METTL9: variants seen among roughly 807,000 people sequenced by gnomAD.
METTL9 encodes the protein methyltransferase 9, His-X-His N1(pi)-histidine.
In METTL9, 10 loss-of-function variants were observed where a neutral mutation model predicts 36.0. The ratio of observed to expected loss-of-function variants is 0.28; its 90% CI spans 0.17 to 0.47. The LOEUF (loss-of-function observed/expected upper bound fraction) is 0.47. Among genes scored for constraint, METTL9 ranks in the 20% least tolerant of loss-of-function variants. The probability of loss-of-function intolerance (pLI) is 0.99; values close to 1 mark genes in which losing one functional copy is unlikely to be tolerated. For missense variants in METTL9, 246 were observed against 383.5 expected, an observed-to-expected ratio of 0.64 and a Z score of 3.00; for synonymous variants, 175 against 149.7, an observed-to-expected ratio of 1.17 and a Z score of -1.23.
At chr16:21,622,602 G>C (rs554115818) in intron 3 of METTL9, among the ~76,000 whole-genome samples, 136 of 152,298 alleles carry the variant, frequency 8.9e-4, no homozygotes, top group Non-Finnish European at 1.8e-3. Context: ...GGGCTAATAC[G>C]CAGTTTTAGT....
At chr16:21,643,280 A>T in intron 4 of METTL9, 1 of 704,786 alleles carries the variant, frequency 1.4e-6, no homozygotes, top group South Asian at 1.6e-5. Flanking sequence ...CCCAACACAT[A>T]TGTGCCTACA....
chr16:21,643,253 CA>C, intron 4 of METTL9: 2 of 825,994 alleles, frequency 2.4e-6, no homozygotes, highest in Non-Finnish European at 4.1e-6. Context: ...CCACCGGTCC[CA>C]AAAACTACCC....
intron 4 of METTL9, among the ~76,000 whole-genome samples, chr16:21,631,606 A>C (rs949408914): frequency 6.6e-6 from 1 of 152,212 alleles, no homozygotes; most frequent in Admixed American, 6.5e-5. Flanking sequence ...GGGAGGAACC[A>C]TCTATCGTCC....
chr16:21,609,437 T>A (rs1017623966), intron 1 of METTL9, among the ~76,000 whole-genome samples: 1 of 152,200 alleles, frequency 6.6e-6, no homozygotes, highest in Non-Finnish European at 1.5e-5. Flanking sequence ...TCAGAGATTG[T>A]AAATATTACC....
In METTL9 at chr16:21,642,767, C is replaced by T. The variant is rs771632674; in HGVS notation, c.752-12460C>T. 8.7e-4 allele frequency among the ~76,000 whole-genome samples: 133 copies of T among 152,266 alleles called. 1 individual carries two copies. The highest frequency in any genetic ancestry group is 7.8e-4 in the Non-Finnish European group (53 of 68,010). On this transcript the variant is annotated intron_variant, in intron 4 of 4. Coordinates refer to ENST00000358154, the MANE Select transcript of METTL9 (RefSeq NM_016025.5). ...CTACCACTGCATGCAGGATACTGTA[C>T]AGAGTAGCTTTTAATCTATCCTTTT...
chr16:21,626,317 T>C (rs1015161166), intron 4 of METTL9, among the ~76,000 whole-genome samples: 11 of 152,202 alleles, frequency 7.2e-5, no homozygotes, highest in Non-Finnish European at 1.5e-4. Context: ...ATGTCATTAT[T>C]ATCAAATATG....
At chr16:21,605,627 A>G (rs1003276765) in intron 1 of METTL9, among the ~76,000 whole-genome samples, 1 of 152,164 alleles carries the variant, frequency 6.6e-6, no homozygotes, top group Non-Finnish European at 1.5e-5. Flanking sequence ...CTGTGTGCAC[A>G]ATACTTGTTG....
intron 4 of METTL9, chr16:21,640,438 C>T (rs1966221142): frequency 6.6e-6 from 1 of 151,288 alleles, no homozygotes; most frequent in Admixed American, 6.6e-5. Context: ...CTGACATTTC[C>T]CTCCTAAATT....
chr16:21,647,168 T>C lies in METTL9; in HGVS notation c.752-8059T>C, dbSNP rs144045651. ...CAGTGTGGTCCCTCCTCCTGTCTGT[T>C]TAGCTCTCGCTTCCGGCACACTGGG... On this transcript the variant is annotated intron_variant, in intron 4 of 4. Coordinates refer to ENST00000358154, the MANE Select transcript of METTL9 (RefSeq NM_016025.5). 5.0e-6 allele frequency: 8 copies of C among 1,614,050 alleles called. No homozygotes were observed. In the African/African-American group the frequency reaches 1.1e-4, roughly 22 times the overall value.
intron 1 of METTL9, among the ~76,000 whole-genome samples, chr16:21,609,714 T>TG (rs1965382433): frequency 6.6e-6 from 1 of 151,728 alleles, no homozygotes; most frequent in Non-Finnish European, 1.5e-5. Context: ...CCAGGGGTCA[T>TG]GGGTTGGTAG....
chr16:21,636,552 C>T (rs958557819), intron 4 of METTL9, among the ~76,000 whole-genome samples: 9 of 152,182 alleles, frequency 5.9e-5, no homozygotes, highest in East Asian at 1.9e-4. Flanking sequence ...GGGCTAGTCT[C>T]GCTTGGGCGA....
intron 4 of METTL9, chr16:21,647,202 T>G (rs1597786703): frequency 1.2e-6 from 2 of 1,614,182 alleles, no homozygotes; most frequent in East Asian, 4.5e-5. Context: ...GGGAATGCTA[T>G]TCCACAGATG....
At chr16:21,643,497 C>G (rs560543533) in intron 4 of METTL9, 1 of 1,183,756 alleles carries the variant, frequency 8.4e-7, no homozygotes, top group Non-Finnish European at 1.2e-6. Flanking sequence ...GTTTTGAAAT[C>G]GTTACAACCA....
chr16:21,650,407 C>CTG (rs1966537682), intron 4 of METTL9, among the ~76,000 whole-genome samples: 1 of 150,222 alleles, frequency 6.7e-6, no homozygotes, highest in African/African-American at 2.5e-5. Context: ...ACTTGGGAGG[C>CTG]TGAAGCAGGA....
intron 3 of METTL9, among the ~76,000 whole-genome samples, chr16:21,623,757 C>G (rs1424435612): frequency 6.6e-6 from 1 of 151,724 alleles, no homozygotes; most frequent in Non-Finnish European, 1.5e-5. Flanking sequence ...TTTATCTTTT[C>G]TGTATAGTTT....
chr16:21,655,576 T>G lies in METTL9; in HGVS notation c.*144T>G. Reference sequence around the variant, plus strand: ...GTAGGAATTTAAAAAGCCAAAATACTAATTATTTCTTTGTAGTGTGTAAAG... The same window carrying G: ...GTAGGAATTTAAAAAGCCAAAATACGAATTATTTCTTTGTAGTGTGTAAAG... On this transcript the variant is annotated 3_prime_UTR_variant, in exon 5 of 5. Coordinates refer to ENST00000358154, the MANE Select transcript of METTL9 (RefSeq NM_016025.5). 1.5e-6 allele frequency: 1 copy of G among 688,664 alleles called. No individual in the cohort carries two copies. The allele number at this position is 688,664 out of a possible 1,614,324, so 42.7% of individuals were successfully genotyped here. A position where few individuals can be genotyped will look rare whatever the true frequency, so the allele number is the denominator to read the frequency against.
chr16:21,643,497 C>A, intron 4 of METTL9: 1 of 1,183,756 alleles, frequency 8.4e-7, no homozygotes, highest in Middle Eastern at 2.0e-4. Flanking sequence ...GTTTTGAAAT[C>A]GTTACAACCA....
intron 4 of METTL9, among the ~76,000 whole-genome samples, chr16:21,637,088 A>C (rs974927570): frequency 7.2e-5 from 11 of 152,130 alleles, no homozygotes; most frequent in Non-Finnish European, 1.5e-4. Context: ...GAAGAGTGAA[A>C]AAACAAAGCT....
chr16:21,605,306 G>GTT (rs1965255429), intron 1 of METTL9, among the ~76,000 whole-genome samples: 1 of 55,216 alleles, frequency 1.8e-5, no homozygotes, highest in African/African-American at 6.9e-5. Context: ...TGAGAAACAA[G>GTT]TTCTTACTCT....
Sources: gnomAD v4.1 joint callset for allele counts (sites outside exome capture counted in the v4.1 genomes callset) on GRCh38, gnomAD v4.1.1 for gene constraint, MANE v1.5 for transcripts, NCBI Gene and HGNC (gene_info 2026-07-23, HGNC 2026-07-21) for gene names.